Variants in PIWIL3 observed in about 807,000 individuals in gnomAD.
The protein encoded by PIWIL3 is piwi-like protein 3.
In PIWIL3, 101 loss-of-function variants were observed where a neutral mutation model predicts 109.7. The ratio of observed to expected loss-of-function variants is 0.92; its 90% CI spans 0.78 to 1.09. The LOEUF (loss-of-function observed/expected upper bound fraction) is 1.09, where lower values mean the gene tolerates loss of function less well. PIWIL3 is among the 50% of genes least tolerant of loss of function. PIWIL3 has a pLI of 0.00. For missense variants in PIWIL3, 1,031 were observed against 1,072.6 expected, an observed-to-expected ratio of 0.96 and a Z score of 0.54; for synonymous variants, 373 against 376.4, an observed-to-expected ratio of 0.99 and a Z score of 0.10.
chr22:24,724,547 G>A (rs571546723), intron 18 of PIWIL3, among the ~76,000 whole-genome samples: 27 of 151,406 alleles, frequency 1.8e-4, no homozygotes, highest in Non-Finnish European at 2.8e-4. Flanking sequence ...TGATTCTCCT[G>A]CCTCAGCCTC....
At chr22:24,766,977 T>C (rs1042490344) in intron 1 of PIWIL3, among the ~76,000 whole-genome samples, 1 of 148,524 alleles carries the variant, frequency 6.7e-6, no homozygotes, top group Non-Finnish European at 1.5e-5. Flanking sequence ...AAAAAAAAAA[T>C]TAAAAAATTA....
At chr22:24,725,537 GT>G in intron 16 of PIWIL3, 22 bp from the exon 17 acceptor site, 1 of 1,612,198 alleles carries the variant, frequency 6.2e-7, no homozygotes, top group South Asian at 1.1e-5. Context: ...AAAACCACCA[GT>G]TTGGAAAACA....
chr22:24,737,880 G>T (rs929526024), intron 12 of PIWIL3, among the ~76,000 whole-genome samples: 1 of 152,202 alleles, frequency 6.6e-6, no homozygotes, highest in Admixed American at 6.5e-5. Flanking sequence ...AGAGAAGGGG[G>T]CCGGGCGCGG....
intron 14 of PIWIL3, among the ~76,000 whole-genome samples, chr22:24,731,745 AC>A (rs772432886): frequency 1.3e-5 from 2 of 152,108 alleles, no homozygotes; most frequent in Non-Finnish European, 2.9e-5. Flanking sequence ...AGCTCTGAAA[AC>A]TTTGTAATTT....
chr22:24,773,744 TCA>T, intron 1 of PIWIL3, among the ~76,000 whole-genome samples: 1 of 123,806 alleles, frequency 8.1e-6, no homozygotes, highest in Admixed American at 8.8e-5. Context: ...GGAGTCTCAC[TCA>T]CTCTGTTGCC....
intron 1 of PIWIL3, among the ~76,000 whole-genome samples, chr22:24,763,564 T>C (rs1407449745): frequency 6.6e-6 from 1 of 152,102 alleles, no homozygotes; most frequent in Admixed American, 6.6e-5. Flanking sequence ...CCTCCCAAAG[T>C]GCTGCGATTA....
chr22:24,724,318 TCTCA>T (rs1922858307), intron 18 of PIWIL3, among the ~76,000 whole-genome samples: 1 of 151,890 alleles, frequency 6.6e-6, no homozygotes, highest in South Asian at 2.1e-4. Flanking sequence ...TGAGACAAGG[TCTCA>T]CTGTGTCACC....
At chr22:24,751,268 C>T in intron 9 of PIWIL3, 119 bp downstream of exon 9, 1 of 1,033,478 alleles carries the variant, frequency 9.7e-7, no homozygotes, top group Admixed American at 2.5e-5. Context: ...AAGCTATAAT[C>T]CCCTAAAAGG....
At chr22:24,757,824 C>T in intron 4 of PIWIL3, 84 bp downstream of exon 4, 1 of 1,442,990 alleles carries the variant, frequency 6.9e-7, no homozygotes, top group East Asian at 2.3e-5. Context: ...GGCGACAGAG[C>T]AGGACCTTGT....
At chr22:24,764,087 C>T (rs775985131) in intron 1 of PIWIL3, among the ~76,000 whole-genome samples, 1 of 152,210 alleles carries the variant, frequency 6.6e-6, no homozygotes, top group Admixed American at 6.5e-5. Context: ...ACGGACCAGC[C>T]CAGCCTCCCG....
chr22:24,729,694 A>G (rs754767108), intron 14 of PIWIL3, among the ~76,000 whole-genome samples: 6 of 152,210 alleles, frequency 3.9e-5, no homozygotes, highest in Non-Finnish European at 5.9e-5. Flanking sequence ...CAGATTAAGG[A>G]AATTCTCTTC....
chr22:24,745,694 G>A (rs1338621720), intron 12 of PIWIL3, among the ~76,000 whole-genome samples: 1 of 120,996 alleles, frequency 8.3e-6, no homozygotes, highest in Non-Finnish European at 1.7e-5. Context: ...TAAACAAAAC[G>A]GACAAATCTT....
At chr22:24,752,939 C>T (rs1331141042) in intron 8 of PIWIL3, among the ~76,000 whole-genome samples, 6 of 152,150 alleles carry the variant, frequency 3.9e-5, no homozygotes, top group East Asian at 3.9e-4. Context: ...AACGTTTTCA[C>T]GCATCTATTG....
At chr22:24,730,373 A>G (rs1334930410) in intron 14 of PIWIL3, among the ~76,000 whole-genome samples, 2 of 148,528 alleles carry the variant, frequency 1.3e-5, no homozygotes, top group Admixed American at 1.3e-4. Context: ...CAAAAAAAAA[A>G]AAAAAAAAAA....
At chr22:24,748,868 T>C in intron 12 of PIWIL3, 39 bp downstream of exon 12, 1 of 1,512,868 alleles carries the variant, frequency 6.6e-7, no homozygotes, top group Non-Finnish European at 9.0e-7. Flanking sequence ...ACTCTTCATT[T>C]GACCCCACCA....
chr22:24,773,483 A>T (rs1294454112), intron 1 of PIWIL3, among the ~76,000 whole-genome samples: 3 of 152,152 alleles, frequency 2.0e-5, no homozygotes, highest in Non-Finnish European at 4.4e-5. Context: ...TGCTCAAAAA[A>T]TGGAAGCCTC....
rs1286444735 is a variant in PIWIL3 at position 24,754,071 on chromosome 22, G to C, written c.920C>G (p.Thr307Arg). ...AGTTACTTCCTCTCGGATGTTTCCT[G>C]TCTGGGCCTGGGCAGATGTTCTCTT... ...FIKRTSAQAQ[T>R]GNIREEVTNK... Residue 307 changes from threonine to arginine, a missense_variant, in exon 8 of 21, where the codon ACA (threonine) becomes AGA (arginine). Coordinates refer to ENST00000616349, the MANE Select transcript of PIWIL3 (RefSeq NM_001255975.1). 1 of 1,612,790 alleles carries C rather than the reference G, an allele frequency of 6.2e-7. No homozygotes were observed. Among genetic ancestry groups the C allele is most frequent in the Non-Finnish European group, 8.5e-7 (1 of 1,178,882 alleles).
At chr22:24,771,713 T>C (rs115422223) in intron 1 of PIWIL3, among the ~76,000 whole-genome samples, 139 of 151,258 alleles carry the variant, frequency 9.2e-4, no homozygotes, top group African/African-American at 3.1e-3. Flanking sequence ...AGATTCAGGA[T>C]TGAAGACTAT....
In PIWIL3 at chr22:24,719,569, G is replaced by T. The variant is rs144831199; in HGVS notation, c.2525C>A (p.Ala842Glu). 6.3e-7 allele frequency: 1 copy of T among 1,599,448 alleles called. No individual in the cohort carries two copies. The highest frequency in any genetic ancestry group is 1.8e-5 in the Admixed American group (1 of 56,294). ...YNLPGIIRVP[A>E]PCHYAHKLAY... ...CAGCTTGTGGGCATAGTGGCAAGGC[G>T]CTGGAACTCGGATGATGCCCTTTAG... Residue 842 changes from alanine (A) to glutamate (E), a missense_variant, in exon 21 of 21, where the codon GCG (alanine) becomes GAG (glutamate). Transcript: ENST00000616349.
Sources: gnomAD v4.1 joint callset for allele counts (sites outside exome capture counted in the v4.1 genomes callset) on GRCh38, gnomAD v4.1.1 for gene constraint, MANE v1.5 for transcripts, NCBI Gene and HGNC (gene_info 2026-07-23, HGNC 2026-07-21) for gene names.